Variants in ALG6 observed in about 807,000 individuals in gnomAD.
ALG6 encodes the protein ALG6 alpha-1,3-glucosyltransferase.
ALG6 carries 46 observed loss-of-function variants against 66.6 expected under a neutral mutation model. That is an observed-to-expected ratio of 0.69 (90% CI 0.55 to 0.88). The LOEUF is 0.88. ALG6 is among the 40% of genes least tolerant of loss of function. The pLI is 0.00. For synonymous variants in ALG6, 185 were observed against 203.7 expected (o/e 0.91, Z 0.78); for missense variants, 505 against 586.8 (o/e 0.86, Z 1.44).
intron 9 of ALG6, among the ~76,000 whole-genome samples, chr1:63,412,528 C>T (rs974837315): frequency 1.3e-5 from 2 of 152,124 alleles, no homozygotes; most frequent in African/African-American, 2.4e-5. Flanking sequence ...GTTTCAGCTA[C>T]AATTTTAACA....
At chr1:63,389,253 A>G (rs914758324) in intron 2 of ALG6, among the ~76,000 whole-genome samples, 1 of 152,094 alleles carries the variant, frequency 6.6e-6, no homozygotes, top group African/African-American at 2.4e-5. Context: ...TCTTCTAGGC[A>G]TGCTTCTTTT....
At chr1:63,397,225 G>A (rs370640793) in intron 3 of ALG6, among the ~76,000 whole-genome samples, 44 of 151,618 alleles carry the variant, frequency 2.9e-4, no homozygotes, top group African/African-American at 8.0e-4. Context: ...TCACTCTGTC[G>A]CCCAGGCTGG....
At chr1:63,372,489 CATAT>C (rs1056089048) in intron 2 of ALG6, among the ~76,000 whole-genome samples, 12 of 120,970 alleles carry the variant, frequency 9.9e-5, no homozygotes, top group African/African-American at 3.7e-4. Context: ...CAGACACACA[CATAT>C]ATAGGTATTT....
intron 14 of ALG6, among the ~76,000 whole-genome samples, chr1:63,431,924 T>C (rs1450346263): frequency 6.6e-6 from 1 of 152,214 alleles, no homozygotes; most frequent in East Asian, 1.9e-4. Context: ...GTTTTCAATA[T>C]ACAAGATAAT....
At position 63,370,946 on chromosome 1, in the gene ALG6, T is replaced by G; in HGVS notation, c.-32T>G. 7.4e-7 allele frequency: 1 copy of G among 1,354,014 alleles called. No individual in the cohort carries two copies. The highest frequency in any genetic ancestry group is 1.1e-6 in the Non-Finnish European group (1 of 942,504). The allele number at this position is 1,354,014 out of a possible 1,614,324, so 83.9% of individuals were successfully genotyped here. On this transcript the variant is annotated 5_prime_UTR_variant, in exon 2 of 15. Transcript: ENST00000263440. ...TAAAAGTACTCTGGCACTGGTGCTG[T>G]GTTTTCTTCCCCTCCCTAAATTTGA...
chr1:63,415,993 C>A, intron 11 of ALG6, 36 bp downstream of exon 11: 1 of 1,385,024 alleles, frequency 7.2e-7, no homozygotes, highest in Non-Finnish European at 1.0e-6. Flanking sequence ...TTAATTCTTG[C>A]CACAACTGAT....
chr1:63,405,412 C>G (rs975568568), intron 5 of ALG6, among the ~76,000 whole-genome samples: 4 of 152,110 alleles, frequency 2.6e-5, no homozygotes, highest in Non-Finnish European at 5.9e-5. Flanking sequence ...GAACTTCCAC[C>G]AGTCATTACA....
At chr1:63,435,824 T>C (rs951913482) in intron 14 of ALG6, among the ~76,000 whole-genome samples, 1 of 152,196 alleles carries the variant, frequency 6.6e-6, no homozygotes, top group African/African-American at 2.4e-5. Context: ...GCTACTATAC[T>C]GGAGTGCAGA....
intron 2 of ALG6, among the ~76,000 whole-genome samples, chr1:63,375,514 C>T (rs1235821362): frequency 6.6e-6 from 1 of 151,270 alleles, no homozygotes; most frequent in African/African-American, 2.4e-5. Context: ...CCCTCCTTGG[C>T]CTCCCAAAGT....
intron 2 of ALG6, among the ~76,000 whole-genome samples, chr1:63,376,448 A>G (rs908712499): frequency 1.3e-5 from 2 of 152,086 alleles, no homozygotes; most frequent in Admixed American, 6.6e-5. Context: ...TCTTTTTTAA[A>G]TTTACTAAAT....
chr1:63,384,180 C>T (rs1472611610), intron 2 of ALG6, among the ~76,000 whole-genome samples: 1 of 152,118 alleles, frequency 6.6e-6, no homozygotes, highest in Non-Finnish European at 1.5e-5. Flanking sequence ...TGGATAAAAG[C>T]CATTTTACCT....
chr1:63,399,538 C>T (rs932475104), intron 3 of ALG6, among the ~76,000 whole-genome samples: 2 of 152,108 alleles, frequency 1.3e-5, no homozygotes, highest in South Asian at 2.1e-4. Flanking sequence ...ATAAAATAAA[C>T]GTCTTCTTTC....
At position 63,411,972 on chromosome 1, in the gene ALG6, G is replaced by T. The variant is rs367674567; in HGVS notation, c.727G>T (p.Val243Phe). Residue 243 changes from valine to phenylalanine, a missense_variant, in exon 9 of 15, where the codon GTT becomes TTT. Val to Phe is a conservative substitution (Grantham distance 50). Coordinates refer to ENST00000263440, the MANE Select transcript of ALG6 (RefSeq NM_013339.4). ...AGCTTGTATTGTTGTGGCTTCCTTC[G>T]TTCTCTGCTGGCTGCCATTCTTTAC... ...KLACIVVASFVLCWLPFFTER... is the reference protein window; with the variant it reads ...KLACIVVASFFLCWLPFFTER... 6.2e-7 allele frequency: 1 copy of T among 1,613,960 alleles called. No individual in the cohort carries two copies. Among genetic ancestry groups the T allele is most frequent in the Non-Finnish European group, 8.5e-7 (1 of 1,179,964 alleles).
At chr1:63,423,555 A>G (rs751808855) in intron 12 of ALG6, among the ~76,000 whole-genome samples, 8 of 152,154 alleles carry the variant, frequency 5.3e-5, no homozygotes, top group Non-Finnish European at 1.2e-4. Context: ...TGCTTTCTGC[A>G]AATCTCTGTG....
intron 12 of ALG6, among the ~76,000 whole-genome samples, chr1:63,424,465 T>C (rs1398483657): frequency 6.6e-6 from 1 of 152,076 alleles, no homozygotes; most frequent in Non-Finnish European, 1.5e-5. Context: ...AATTGGGTTG[T>C]CATTTTTTGA....
In ALG6 at chr1:63,422,261, A is replaced by AGATATAAATATATATATTTATATC. The variant is rs1557595011; in HGVS notation, c.1058+2838_1058+2839insTTATATCGATATAAATATATATAT. ...TATATATAAATATATATATTTATAT[A>AGATATAAATATATATATTTATATC]GATATAAATATATATATAAATATAT... On this transcript the variant is annotated intron_variant, in intron 12 of 14. Coordinates refer to ENST00000263440, the MANE Select transcript of ALG6 (RefSeq NM_013339.4). Among the ~76,000 whole-genome samples the AGATATAAATATATATATTTATATC allele has an allele frequency of 1.3e-4, 13 of 102,410 alleles. 1 individual carries two copies. The highest frequency in any genetic ancestry group is 1.9e-4 in the Non-Finnish European group (10 of 53,866). 67.2% of individuals were successfully genotyped at this position (102,410 alleles called of 152,430 possible).
chr1:63,409,696 A>G (rs1157486399), intron 7 of ALG6, among the ~76,000 whole-genome samples: 1 of 151,972 alleles, frequency 6.6e-6, no homozygotes, highest in South Asian at 2.1e-4. Flanking sequence ...TAGGTTTTCT[A>G]TAAATGTTTA....
At chr1:63,407,956 G>T (rs1644498270) in intron 7 of ALG6, among the ~76,000 whole-genome samples, 1 of 152,022 alleles carries the variant, frequency 6.6e-6, no homozygotes, top group Non-Finnish European at 1.5e-5. Flanking sequence ...ATGGCTATCA[G>T]ATACTCTGAT....
chr1:63,436,119 A>C lies in ALG6; in HGVS notation c.1327-704A>C, dbSNP rs569582585. ...AATGTAATTTTCCATTTGCCATGGA[A>C]AACTTTTTCACAGATGGGTTCTCAA... is the stretch of plus-strand genomic sequence containing the variant. On this transcript the variant is annotated intron_variant, in intron 14 of 14. Coordinates refer to ENST00000263440, the MANE Select transcript of ALG6 (RefSeq NM_013339.4). Among the ~76,000 whole-genome samples, 7 of 152,264 alleles carry C rather than the reference A, an allele frequency of 4.6e-5. No individual in the cohort carries two copies. The South Asian group carries it at 1.5e-3, about 32-fold the overall frequency.
Sources: gnomAD v4.1 joint callset for allele counts (sites outside exome capture counted in the v4.1 genomes callset) on GRCh38, gnomAD v4.1.1 for gene constraint, MANE v1.5 for transcripts, NCBI Gene and HGNC (gene_info 2026-07-23, HGNC 2026-07-21) for gene names.